Variants in NOL8 observed in about 807,000 individuals in gnomAD.
NOL8 encodes the protein nucleolar protein 8.
NOL8 carries 93 observed loss-of-function variants against 116.1 expected under a neutral mutation model. That is an observed-to-expected ratio of 0.80 (90% CI 0.68 to 0.95). The LOEUF (loss-of-function observed/expected upper bound fraction) is 0.95. NOL8 is among the 40% of genes least tolerant of loss of function. NOL8 has a pLI of 0.00. For synonymous variants in NOL8, 419 were observed against 469.0 expected (o/e 0.89, Z 1.38); for missense variants, 1,291 against 1,382.8 (o/e 0.93, Z 1.05).
chr9:92,304,112 C>G (rs1445669963), intron 12 of NOL8, among the ~76,000 whole-genome samples: 1 of 152,026 alleles, frequency 6.6e-6, no homozygotes, highest in African/African-American at 2.4e-5. Flanking sequence ...AAGCAAAAAG[C>G]AGGTTGAAAA....
In NOL8 at chr9:92,298,879, C is replaced by T; in HGVS notation, c.3373+5G>A. 1 of 1,499,858 alleles carries T rather than the reference C, an allele frequency of 6.7e-7. No homozygotes were observed. Among genetic ancestry groups the T allele is most frequent in the Non-Finnish European group, 9.0e-7 (1 of 1,112,562 alleles). The allele number at this position is 1,499,858 out of a possible 1,614,324, so 92.9% of individuals were successfully genotyped here. ...TATGTAATTTGATGAAAAAAATGGA[C>T]TGACCTTGAAGTCGTTCATCATTCT... On this transcript the variant is annotated splice_donor_5th_base_variant and intron_variant, in intron 15 of 16. Coordinates refer to ENST00000442668, the MANE Select transcript of NOL8 (RefSeq NM_017948.6).
intron 7 of NOL8, among the ~76,000 whole-genome samples, chr9:92,312,745 T>C (rs533766582): frequency 5.8e-4 from 85 of 146,802 alleles, no homozygotes; most frequent in Non-Finnish European, 8.6e-4. Context: ...GAGAATTGCT[T>C]GAACCCAGGA....
chr9:92,305,887 A>G, intron 11 of NOL8, 57 bp from the exon 12 acceptor site: 1 of 1,158,832 alleles, frequency 8.6e-7, no homozygotes, highest in Admixed American at 1.9e-5. Context: ...CTAATACAAA[A>G]AGTAAGTAGC....
Position 92,310,574 on chromosome 9 carries a change from A to C in NOL8, c.2574T>G (p.Phe858Leu), listed in dbSNP as rs1396194692. ...TAACCTTCTGTCCAGCTCTGCCCTCAAACTGAGGTTTAATTTTGAACCTAT... is the reference window on the plus strand; with the variant it reads ...TAACCTTCTGTCCAGCTCTGCCCTCCAACTGAGGTTTAATTTTGAACCTAT... ...DSNRFKIKPQ[F>L]EGRAGQKLMD... The change falls in exon 9 of 17, where the codon TTT becomes TTG. Residue 858 changes from phenylalanine (F) to leucine (L), a missense_variant. Transcript: ENST00000442668. 2 of 1,610,940 alleles carry C rather than the reference A, an allele frequency of 1.2e-6. No individual in the cohort carries two copies. Among genetic ancestry groups the C allele is most frequent in the East Asian group, 4.5e-5 (2 of 44,858 alleles).
At chr9:92,324,333 T>C in intron 1 of NOL8, 124 bp from the exon 2 acceptor site, 1 of 809,766 alleles carries the variant, frequency 1.2e-6, no homozygotes, top group Non-Finnish European at 1.9e-6. Flanking sequence ...TTGTATTACT[T>C]CCAAATTTTA....
At chr9:92,307,731 G>A (rs533100881) in intron 10 of NOL8, among the ~76,000 whole-genome samples, 1 of 152,252 alleles carries the variant, frequency 6.6e-6, no homozygotes, top group South Asian at 2.1e-4. Flanking sequence ...TACTCTACAG[G>A]GATGCCCCCA....
At chr9:92,305,283 C>G (rs1439601788) in intron 12 of NOL8, among the ~76,000 whole-genome samples, 1 of 152,050 alleles carries the variant, frequency 6.6e-6, no homozygotes, top group East Asian at 1.9e-4. Flanking sequence ...GTAATGTAGT[C>G]TCAAGCCAAG....
At chr9:92,302,984 T>C (rs1329775622) in intron 12 of NOL8, among the ~76,000 whole-genome samples, 3 of 152,176 alleles carry the variant, frequency 2.0e-5, no homozygotes, top group African/African-American at 7.2e-5. Flanking sequence ...AACTGCATTG[T>C]GTGTACTGTG....
At chr9:92,323,575 TTG>T in intron 2 of NOL8, 72 bp from the exon 3 acceptor site, 1 of 1,288,592 alleles carries the variant, frequency 7.8e-7, no homozygotes. Context: ...GTAAAAACGG[TTG>T]TTTCTAAATT....
chr9:92,320,190 G>A (rs1839806272), intron 4 of NOL8: 1 of 456,072 alleles, frequency 2.2e-6, no homozygotes, highest in Non-Finnish European at 4.4e-6. Flanking sequence ...ACCTTCTTCA[G>A]GCCTGGACAA....
rs535253099 is a variant in NOL8 at position 92,315,933 on chromosome 9, C to T, written c.692G>A (p.Gly231Glu). The T allele has an allele frequency of 3.5e-5, 57 of 1,613,700 alleles. No individual in the cohort carries two copies. Among genetic ancestry groups the T allele is most frequent in the Non-Finnish European group, 4.8e-5 (57 of 1,179,848 alleles). ...IKVQKDESST[G>E]SLAMSTRPRR... is the part of the protein sequence containing the mutation. ...GGGCCTTGTACTCATGGCCAGAGAC[C>T]CAGTGGAACTCTCATCCTTCTGCAC... The change falls in exon 7 of 17, where the codon GGG becomes GAG. Residue 231 changes from glycine (G) to glutamate (E), a missense_variant. Transcript: ENST00000442668.
Position 92,311,257 on chromosome 9 carries a change from A to T in NOL8, c.2361T>A (p.Asp787Glu). Residue 787 changes from aspartate (D) to glutamate (E), a missense_variant and splice_region_variant, in exon 8 of 17, where the codon GAT becomes GAA. Physicochemically the swap from Asp to Glu is conservative, Grantham distance 45 (BLOSUM62 2). Transcript: ENST00000442668. ...KLVHNALANL[D>E]GHPEDKPTHI... is the part of the protein sequence containing the mutation. ...GCGTTGGCTTATCCTCTGGATGACCATCCTAGGGAGGCCATCGAAAGCATT... is the reference window on the plus strand; with the variant it reads ...GCGTTGGCTTATCCTCTGGATGACCTTCCTAGGGAGGCCATCGAAAGCATT... 1.9e-6 allele frequency: 3 copies of T among 1,609,988 alleles called. 1 individual carries two copies.
chr9:92,322,196 C>A (rs890771859), intron 3 of NOL8, among the ~76,000 whole-genome samples: 1 of 152,164 alleles, frequency 6.6e-6, no homozygotes, highest in African/African-American at 2.4e-5. Flanking sequence ...TTATTTATCA[C>A]CTCATACTAA....
chr9:92,301,679 C>T lies in NOL8; in HGVS notation c.3047G>A (p.Trp1016Ter). The T allele has an allele frequency of 2.5e-6, 4 of 1,605,880 alleles. No individual in the cohort carries two copies. The highest frequency in any genetic ancestry group is 3.4e-6 in the Non-Finnish European group (4 of 1,177,702). Residue 1016 changes from tryptophan (W) to a stop codon, truncating the protein, a stop_gained, in exon 13 of 17, where the codon TGG becomes TAG. Coordinates refer to ENST00000442668, the MANE Select transcript of NOL8 (RefSeq NM_017948.6). LOFTEE classifies it high-confidence loss of function. ...YTSEKEEGTPWNEDCGKEKPE... is the reference protein window; with the variant it reads ...YTSEKEEGTP ...TTTCTCTTTACCACAGTCCTCATTC[C>T]AGGGTGTGCCCTCTTCCTTTTCACT...
Position 92,315,273 on chromosome 9 carries a change from G to A in NOL8, c.1352C>T (p.Ser451Phe). 6 of 1,613,934 alleles carry A rather than the reference G, an allele frequency of 3.7e-6. No homozygotes were observed. The highest frequency in any genetic ancestry group is 5.1e-6 in the Non-Finnish European group (6 of 1,179,814). Residue 451 changes from serine to phenylalanine, a missense_variant, in exon 7 of 17, where the codon TCT becomes TTT. Transcript: ENST00000442668. ...GLKSLNRKSPSHSSSSEDADS... is the reference protein window; with the variant it reads ...GLKSLNRKSPFHSSSSEDADS... ...AGCATCTTCACTGCTACTGGAGTGAGAGGGAGATTTACGATTAAGAGACTT... is the reference window on the plus strand; with the variant it reads ...AGCATCTTCACTGCTACTGGAGTGAAAGGGAGATTTACGATTAAGAGACTT...
At chr9:92,304,528 G>A (rs1015038904) in intron 12 of NOL8, among the ~76,000 whole-genome samples, 1 of 152,154 alleles carries the variant, frequency 6.6e-6, no homozygotes, top group African/African-American at 2.4e-5. Flanking sequence ...GACTTCTTAG[G>A]GGTATAGGGA....
chr9:92,319,888 GC>G (rs1839776520), intron 4 of NOL8: 1 of 365,824 alleles, frequency 2.7e-6, no homozygotes, highest in Admixed American at 3.6e-5. Flanking sequence ...TCTTTTCTTA[GC>G]CCATCCACTA....
rs752131645 is a variant in NOL8, at chr9:92,315,615, A to C, written c.1010T>G (p.Val337Gly). 6.2e-7 allele frequency: 1 copy of C among 1,613,366 alleles called. No homozygotes were observed. Among genetic ancestry groups the C allele is most frequent in the South Asian group, 1.1e-5 (1 of 90,996 alleles). The change falls in exon 7 of 17, where the codon GTA becomes GGA. Residue 337 changes from valine to glycine, a missense_variant. Transcript: ENST00000442668. ...NESESDPFEV[V>G]RDDFKSGVHK... ...AACGCCTGATTTGAAATCATCCCTT[A>C]CAACTTCAAAAGGATCACTTTCAGA...
chr9:92,324,271 C>T, intron 1 of NOL8, 62 bp from the exon 2 acceptor site: 1 of 1,206,336 alleles, frequency 8.3e-7, no homozygotes, highest in African/African-American at 1.5e-5. Flanking sequence ...CAACTACTTC[C>T]TCTGAACCTT....
Sources: gnomAD v4.1 joint callset for allele counts (sites outside exome capture counted in the v4.1 genomes callset) on GRCh38, gnomAD v4.1.1 for gene constraint, MANE v1.5 for transcripts, NCBI Gene and HGNC (gene_info 2026-07-23, HGNC 2026-07-21) for gene names.